The following ASIC2 variants were observed in gnomAD, a reference collection of about 807,000 sequenced individuals.
The protein encoded by ASIC2 is acid-sensing ion channel 2.
Under a neutral mutation model 57.3 loss-of-function variants are expected in ASIC2, and 25 were observed. That is an observed-to-expected ratio of 0.44 (90% CI 0.32 to 0.61). ASIC2 has a LOEUF of 0.61. ASIC2 is among the 20% of genes least tolerant of loss of function. The probability of loss-of-function intolerance (pLI) is 0.06; values close to 1 mark genes in which losing one functional copy is unlikely to be tolerated. For synonymous variants in ASIC2, 319 were observed against 307.5 expected, an observed-to-expected ratio of 1.04 and a Z score of -0.39; for missense variants, 641 against 738.1, an observed-to-expected ratio of 0.87 and a Z score of 1.52.
chr17:33,932,783 CT>C (rs1160161829), intron 1 of ASIC2: 1 of 136,942 alleles, frequency 7.3e-6, no homozygotes, highest in Non-Finnish European at 1.5e-5. Context: ...TTAATTTCCC[CT>C]GTTTTATTTT....
rs370346776 is a variant in ASIC2 at position 34,134,552 on chromosome 17, G to A, written c.555+21426C>T. Among the ~76,000 whole-genome samples the A allele has an allele frequency of 2.6e-5, 4 of 152,214 alleles. No individual in the cohort carries two copies. The East Asian group carries it at 7.7e-4, about 29-fold the overall frequency. ...AGCCATCGTAGAGATGAGGCTGGAA[G>A]CACCAGCAAAGCCCAGGCCACAAGT... On this transcript the variant is annotated intron_variant, in intron 1 of 9. Coordinates refer to the ASIC2 transcript ENST00000359872.
intron 2 of ASIC2, among the ~76,000 whole-genome samples, chr17:33,111,187 C>T (rs2092256703): frequency 6.6e-6 from 1 of 152,140 alleles, no homozygotes; most frequent in African/African-American, 2.4e-5. Flanking sequence ...GATCCAAGAC[C>T]ATCTCAAGAC....
intron 1 of ASIC2, among the ~76,000 whole-genome samples, chr17:33,365,835 GT>G (rs954464798): frequency 2.0e-5 from 3 of 152,190 alleles, no homozygotes; most frequent in African/African-American, 7.2e-5. Flanking sequence ...GAAGAAAAAA[GT>G]CTATTTATTT....
chr17:34,059,656 C>T (rs1908897100), intron 1 of ASIC2, among the ~76,000 whole-genome samples: 1 of 152,132 alleles, frequency 6.6e-6, no homozygotes, highest in Non-Finnish European at 1.5e-5. Context: ...GTGGGAGGGG[C>T]ACGGTGAGAA....
chr17:33,504,913 G>A (rs1480587429), intron 1 of ASIC2, among the ~76,000 whole-genome samples: 1 of 152,110 alleles, frequency 6.6e-6, no homozygotes. Context: ...TTCCAGCTTT[G>A]TGTGGGGCTA....
At chr17:33,191,589 C>T (rs551292346) in intron 1 of ASIC2, among the ~76,000 whole-genome samples, 21 of 149,350 alleles carry the variant, frequency 1.4e-4, no homozygotes, top group African/African-American at 1.5e-4. Context: ...AGGAGGAGGA[C>T]GAAGAGGAGA....
chr17:33,726,195 A>T (rs1009908925), intron 1 of ASIC2, among the ~76,000 whole-genome samples: 1 of 152,126 alleles, frequency 6.6e-6, no homozygotes, highest in South Asian at 2.1e-4. Context: ...CACGTGAAAA[A>T]GCCTCGAAAC....
At chr17:34,037,850 A>T in intron 1 of ASIC2, 8 of 1,614,024 alleles carry the variant, frequency 5.0e-6, no homozygotes, top group Non-Finnish European at 5.9e-6. Context: ...AGTAGCTTTA[A>T]GAATCGTATT....
chr17:33,719,296 A>T lies in ASIC2; in HGVS notation c.555+436682T>A, dbSNP rs142693140. ...AACCAGAGAGGGCTTGGTGACCAGG[A>T]GTGCAAGGGAGAGCCTGGTGAGCCA... On this transcript the variant is annotated intron_variant, in intron 1 of 9. Transcript: ENST00000359872. Among the ~76,000 whole-genome samples the T allele has an allele frequency of 8.5e-5, 13 of 152,232 alleles. No homozygotes were observed. In the East Asian group the frequency reaches 2.5e-3, roughly 30 times the overall value.
intron 1 of ASIC2, among the ~76,000 whole-genome samples, chr17:33,517,176 C>A (rs185706929): frequency 1.2e-4 from 18 of 152,266 alleles, no homozygotes; most frequent in African/African-American, 4.1e-4. Context: ...AGTGCAGTGG[C>A]GCGATCTCAG....
chr17:34,154,109 G>A (rs1249026377), intron 1 of ASIC2, among the ~76,000 whole-genome samples: 1 of 152,194 alleles, frequency 6.6e-6, no homozygotes, highest in African/African-American at 2.4e-5. Context: ...GTTTCTCTCT[G>A]TGTCACCCTC....
Position 34,156,038 on chromosome 17 carries a change from C to T in ASIC2, c.495G>A (p.Lys165=), listed in dbSNP as rs768163505. Residue 165 remains lysine (K), a synonymous_variant, in exon 1 of 10, where the codon AAG becomes AAA. Transcript: ENST00000359872. This position sits in a 1 kb window ranked among gnomAD's most constrained non-coding sequence, Gnocchi z 4.4. ...TGAACTTGCAGTAGAGCATCATATC[C>T]TTCAGGTCATGGCCCACACGGTGCA... The T allele has an allele frequency of 1.9e-6, 3 of 1,614,004 alleles. No homozygotes were observed. The highest frequency in any genetic ancestry group is 1.1e-5 in the South Asian group (1 of 91,062).
At chr17:33,874,787 C>T (rs1006268872) in intron 1 of ASIC2, among the ~76,000 whole-genome samples, 2 of 152,240 alleles carry the variant, frequency 1.3e-5, no homozygotes, top group African/African-American at 4.8e-5. Flanking sequence ...CTTTGTTCCA[C>T]TGCCTGAAGT....
At chr17:33,438,181 T>C (rs1454713907) in intron 1 of ASIC2, among the ~76,000 whole-genome samples, 2 of 152,220 alleles carry the variant, frequency 1.3e-5, no homozygotes, top group African/African-American at 4.8e-5. Context: ...GTAATTGTGA[T>C]ATTTTCACCA....
At chr17:33,448,897 TGAACCTAGTCAAAA>T (rs1912141210) in intron 1 of ASIC2, among the ~76,000 whole-genome samples, 1 of 152,192 alleles carries the variant, frequency 6.6e-6, no homozygotes, top group Non-Finnish European at 1.5e-5. Flanking sequence ...GGGAAAACTT[TGAACCTAGTCAAAA>T]GAACACAGAT....
chr17:33,866,109 A>G (rs1162884683), intron 1 of ASIC2, among the ~76,000 whole-genome samples: 1 of 152,122 alleles, frequency 6.6e-6, no homozygotes, highest in Non-Finnish European at 1.5e-5. Flanking sequence ...ATAGTTTTGC[A>G]TTGTATGGTT....
Position 33,799,430 on chromosome 17 carries a change from CTTT to C in ASIC2, c.555+356545_555+356547del, listed in dbSNP as rs1912045812. 3.9e-4 allele frequency among the ~76,000 whole-genome samples: 6 copies of C among 15,386 alleles called. No individual in the cohort carries two copies. In the East Asian group the frequency reaches 5.2e-3, roughly 13 times the overall value. 10.1% of individuals were successfully genotyped at this position (15,386 alleles called of 152,430 possible). On this transcript the variant is annotated intron_variant, in intron 1 of 9. Transcript: ENST00000359872. ...TTCTTTCTTTCTTTCTTTCTTTCTT[CTTT>C]CTTTCTTTCTTTCTTTCTTTCTTTC...
intron 1 of ASIC2, among the ~76,000 whole-genome samples, chr17:33,797,076 C>T (rs1324685323): frequency 2.0e-5 from 3 of 152,124 alleles, no homozygotes; most frequent in Admixed American, 6.6e-5. Flanking sequence ...GAGAGTGGAG[C>T]CTTTTCTCTC....
At chr17:33,582,744 CCA>C (rs1359564429) in intron 1 of ASIC2, among the ~76,000 whole-genome samples, 1 of 152,170 alleles carries the variant, frequency 6.6e-6, no homozygotes, top group Non-Finnish European at 1.5e-5. Flanking sequence ...CGATTGGTCT[CCA>C]CACCCCACCC....
Sources: gnomAD v4.1 joint callset for allele counts (sites outside exome capture counted in the v4.1 genomes callset) on GRCh38, gnomAD v4.1.1 for gene constraint, Gnocchi (gnomAD v3.1) non-coding constraint, MANE v1.5 for transcripts, NCBI Gene and HGNC (gene_info 2026-07-23, HGNC 2026-07-21) for gene names.